Variants in STK10 observed in about 807,000 individuals in gnomAD.
STK10 encodes serine/threonine kinase 10.
In STK10, 78 loss-of-function variants were observed where a neutral mutation model predicts 113.8. The observed-to-expected ratio is 0.69, with a 90% CI of 0.57 to 0.83. The LOEUF (loss-of-function observed/expected upper bound fraction) is 0.83, where lower values mean the gene tolerates loss of function less well. Ranked by LOEUF, STK10 falls within the 40% of genes least tolerant of loss-of-function variation. The pLI is 0.00. For missense variants in STK10, 1,109 were observed against 1,280.1 expected, an observed-to-expected ratio of 0.87 and a Z score of 2.04; for synonymous variants, 465 against 494.7, an observed-to-expected ratio of 0.94 and a Z score of 0.80.
At chr5:172,090,712 G>A (rs759411463) in intron 9 of STK10, among the ~76,000 whole-genome samples, 2 of 151,766 alleles carry the variant, frequency 1.3e-5, no homozygotes, top group Admixed American at 6.6e-5. Context: ...CGAGGCAGGC[G>A]GATCACAAGG....
At chr5:172,086,285 A>G (rs944514449) in intron 10 of STK10, among the ~76,000 whole-genome samples, 81 of 152,302 alleles carry the variant, frequency 5.3e-4, no homozygotes, top group East Asian at 3.1e-3. Flanking sequence ...TTCTACAGCC[A>G]CAGAGGGAAG....
At chr5:172,054,940 AGT>A (rs891755766) in intron 16 of STK10, among the ~76,000 whole-genome samples, 1 of 152,184 alleles carries the variant, frequency 6.6e-6, no homozygotes, top group African/African-American at 2.4e-5. Context: ...ACGCCAGGAA[AGT>A]GTGTGTAGCA....
At chr5:172,073,859 GGAGGCT>G (rs1405003118) in intron 12 of STK10, among the ~76,000 whole-genome samples, 2 of 150,686 alleles carry the variant, frequency 1.3e-5, no homozygotes, top group African/African-American at 4.9e-5. Flanking sequence ...CAGCTACCTG[GGAGGCT>G]GAGGCAAGAG....
chr5:172,108,236 A>G (rs1211111286), intron 4 of STK10: 1 of 159,206 alleles, frequency 6.3e-6, no homozygotes, highest in Non-Finnish European at 1.4e-5. Flanking sequence ...CAGTGCCATT[A>G]TAAAATTATA....
rs1001426042 is a variant in STK10 at position 172,131,143 on chromosome 5, C to T, written c.322-3722G>A. 2.7e-5 allele frequency among the ~76,000 whole-genome samples: 4 copies of T among 150,414 alleles called. No individual in the cohort carries two copies. The South Asian group carries it at 6.3e-4, about 24-fold the overall frequency. On this transcript the variant is annotated intron_variant, in intron 2 of 18. Transcript: ENST00000176763. ...CCGCCTCCCAGGTTCACGCCATTCT[C>T]CTGCCTCAGCCTCCCGAGTAGCTGG...
At chr5:172,084,929 T>C (rs1014003927) in intron 10 of STK10, among the ~76,000 whole-genome samples, 7 of 152,150 alleles carry the variant, frequency 4.6e-5, no homozygotes, top group Admixed American at 2.0e-4. Flanking sequence ...ACCTTTATTA[T>C]CTGCTAAAAA....
chr5:172,085,673 A>G (rs1444881127), intron 10 of STK10, among the ~76,000 whole-genome samples: 5 of 148,816 alleles, frequency 3.4e-5, no homozygotes, highest in Admixed American at 2.0e-4. Flanking sequence ...TGGGCGACAG[A>G]GTGAGACTCC....
At chr5:172,091,365 G>A (rs571321528) in intron 9 of STK10, among the ~76,000 whole-genome samples, 3 of 152,156 alleles carry the variant, frequency 2.0e-5, no homozygotes, top group East Asian at 1.9e-4. Flanking sequence ...GTGAGTAATC[G>A]CACACGCCAC....
chr5:172,081,137 G>T (rs761538003), intron 12 of STK10, among the ~76,000 whole-genome samples: 2 of 152,078 alleles, frequency 1.3e-5, no homozygotes, highest in Non-Finnish European at 2.9e-5. Context: ...CAGATCATGA[G>T]GTTAGGAGTT....
chr5:172,118,473 C>T (rs1176911679), intron 3 of STK10, among the ~76,000 whole-genome samples: 2 of 151,900 alleles, frequency 1.3e-5, no homozygotes, highest in Non-Finnish European at 2.9e-5. Flanking sequence ...GGAAGGCTGC[C>T]CAGAGGAAAT....
chr5:172,054,500 CT>C (rs1324570749), intron 17 of STK10, 68 bp downstream of exon 17: 1 of 1,575,682 alleles, frequency 6.3e-7, no homozygotes, highest in African/African-American at 1.3e-5. Flanking sequence ...TTCTGGCCCC[CT>C]GAGATCTGAT....
At chr5:172,074,556 A>T (rs1768268190) in intron 12 of STK10, among the ~76,000 whole-genome samples, 1 of 152,354 alleles carries the variant, frequency 6.6e-6, no homozygotes, top group South Asian at 2.1e-4. Flanking sequence ...TATCTTATAT[A>T]ACAATGAACT....
chr5:172,047,832 G>A (rs1767523797), intron 18 of STK10, among the ~76,000 whole-genome samples: 1 of 151,592 alleles, frequency 6.6e-6, no homozygotes, highest in African/African-American at 2.4e-5. Context: ...GGCAACTTCT[G>A]ACATAACCTT....
intron 1 of STK10, among the ~76,000 whole-genome samples, chr5:172,161,570 C>A (rs1341161245): frequency 6.6e-6 from 1 of 152,176 alleles, no homozygotes; most frequent in African/African-American, 2.4e-5. Flanking sequence ...AATTGAGCTG[C>A]AAAGTCCCCA....
intron 1 of STK10, among the ~76,000 whole-genome samples, chr5:172,165,475 G>A (rs1278355588): frequency 6.6e-6 from 1 of 152,216 alleles, no homozygotes; most frequent in African/African-American, 2.4e-5. Context: ...GGGAGCCACT[G>A]GAGCTGCTGG....
At chr5:172,146,976 A>G (rs949389476) in intron 2 of STK10, among the ~76,000 whole-genome samples, 4 of 152,154 alleles carry the variant, frequency 2.6e-5, no homozygotes, top group Non-Finnish European at 5.9e-5. Flanking sequence ...TCCACCCCAC[A>G]TACCAGTTGC....
chr5:172,090,703 G>A (rs796083647), intron 9 of STK10, among the ~76,000 whole-genome samples: 7 of 152,022 alleles, frequency 4.6e-5, no homozygotes, highest in African/African-American at 1.7e-4. Context: ...TTGGGAGGCC[G>A]AGGCAGGCGG....
intron 1 of STK10, among the ~76,000 whole-genome samples, chr5:172,168,483 C>T (rs1302056213): frequency 2.0e-5 from 3 of 152,090 alleles, no homozygotes; most frequent in East Asian, 1.9e-4. Context: ...GGCTGGCAGG[C>T]GTGAGTCAGC....
rs546857580 is a variant in STK10, at chr5:172,144,155, G to A, written c.321+12469C>T. Among the ~76,000 whole-genome samples, 9 of 152,388 alleles carry A rather than the reference G, an allele frequency of 5.9e-5. No individual in the cohort carries two copies. The South Asian group carries it at 1.9e-3, about 32-fold the overall frequency. ...GGGAAACTGAGGTTTGGTGGGGGAA[G>A]GGGCTTCCCCAAAGCCACTCAGCTA... is the stretch of plus-strand genomic sequence containing the variant. On this transcript the variant is annotated intron_variant, in intron 2 of 18. Transcript: ENST00000176763.
Sources: allele counts gnomAD v4.1 joint callset (sites outside exome capture counted in the v4.1 genomes callset), GRCh38; gene constraint gnomAD v4.1.1; transcripts MANE v1.5; gene names NCBI Gene and HGNC (gene_info 2026-07-23, HGNC 2026-07-21).